CUBN: variants seen among roughly 807,000 people sequenced by gnomAD.
The protein encoded by CUBN is cubilin.
A neutral mutation model predicts 405.3 loss-of-function variants in CUBN; 282 were observed. The observed-to-expected ratio is 0.70, with a 90% CI of 0.63 to 0.77. The LOEUF (loss-of-function observed/expected upper bound fraction) is 0.77, where lower values mean the gene tolerates loss of function less well. Among genes scored for constraint, CUBN ranks in the 30% least tolerant of loss-of-function variants. The probability of loss-of-function intolerance (pLI) is 0.00; values close to 1 mark genes in which losing one functional copy is unlikely to be tolerated. For synonymous variants in CUBN, 1,684 were observed against 1,617.0 expected (o/e 1.04, Z -0.99); for missense variants, 4,514 against 4,475.2 (o/e 1.01, Z -0.25).
intron 31 of CUBN, among the ~76,000 whole-genome samples, chr10:16,977,873 C>A (rs977123599): frequency 1.3e-5 from 2 of 152,212 alleles, no homozygotes; most frequent in Non-Finnish European, 2.9e-5. Flanking sequence ...ATGAGACACA[C>A]CCCTGTTGAA....
At chr10:16,992,914 TACA>T (rs1275267596) in intron 28 of CUBN, among the ~76,000 whole-genome samples, 4 of 152,190 alleles carry the variant, frequency 2.6e-5, no homozygotes, top group Admixed American at 6.5e-5. Flanking sequence ...TTTGTCCGAC[TACA>T]ACAACACATG....
intron 28 of CUBN, among the ~76,000 whole-genome samples, chr10:17,013,766 T>A (rs138984357): frequency 1.9e-4 from 29 of 152,338 alleles, no homozygotes; most frequent in African/African-American, 6.0e-4. Flanking sequence ...GCTAACTAGT[T>A]GCTGGTCCCT....
At chr10:16,944,262 T>A (rs1245813844) in intron 36 of CUBN, among the ~76,000 whole-genome samples, 2 of 152,216 alleles carry the variant, frequency 1.3e-5, no homozygotes, top group Non-Finnish European at 2.9e-5. Context: ...GATCTCCCTT[T>A]CTTCCCTTTC....
At chr10:17,023,713 G>A (rs117926123) in intron 27 of CUBN, 3 of 426,794 alleles carry the variant, frequency 7.0e-6, no homozygotes, top group South Asian at 4.9e-5. Flanking sequence ...AACAATACTT[G>A]AAGTTCTAAT....
chr10:17,006,228 A>C (rs1834021238), intron 28 of CUBN, among the ~76,000 whole-genome samples: 1 of 152,204 alleles, frequency 6.6e-6, no homozygotes, highest in South Asian at 2.1e-4. Context: ...TGAATGAATG[A>C]AAAACTTCTT....
chr10:16,912,366 C>A (rs765843306), intron 48 of CUBN, among the ~76,000 whole-genome samples: 9 of 152,160 alleles, frequency 5.9e-5, no homozygotes, highest in East Asian at 1.9e-4. Flanking sequence ...CTATTATGTA[C>A]AGGCACTGGG....
intron 56 of CUBN, among the ~76,000 whole-genome samples, chr10:16,886,153 A>G (rs1840806760): frequency 6.6e-6 from 1 of 152,326 alleles, no homozygotes; most frequent in East Asian, 1.9e-4. Flanking sequence ...TTACAGTGAC[A>G]TACATTGATT....
In CUBN at chr10:17,126,872, A is replaced by G. The variant is rs1837203895; in HGVS notation, c.349-73T>C. On this transcript the variant is annotated intron_variant, in intron 3 of 66. Transcript: ENST00000377833. ...GCACATGTGATGTTATATCCTTGAC[A>G]TATTGTCCTAATGCCCTCTGCTAGG... The G allele has an allele frequency of 1.4e-5, 21 of 1,490,466 alleles. No homozygotes were observed. In the South Asian group the frequency reaches 2.3e-4, roughly 16 times the overall value. The allele number at this position is 1,490,466 out of a possible 1,614,324, so 92.3% of individuals were successfully genotyped here.
intron 36 of CUBN, among the ~76,000 whole-genome samples, chr10:16,946,961 G>C (rs1842803209): frequency 6.6e-6 from 1 of 152,070 alleles, no homozygotes; most frequent in South Asian, 2.1e-4. Context: ...AAAAAGATAA[G>C]ATTCCTGTAC....
intron 54 of CUBN, among the ~76,000 whole-genome samples, chr10:16,896,829 T>A (rs1841197823): frequency 1.3e-5 from 2 of 152,208 alleles, no homozygotes; most frequent in Non-Finnish European, 2.9e-5. Context: ...TAAGTCTGTG[T>A]TGATCTAGTT....
intron 56 of CUBN, among the ~76,000 whole-genome samples, chr10:16,887,781 T>C (rs1467372843): frequency 6.6e-6 from 1 of 152,214 alleles, no homozygotes; most frequent in Non-Finnish European, 1.5e-5. Context: ...ACTGTCGTGT[T>C]CATTGCAGCA....
intron 54 of CUBN, among the ~76,000 whole-genome samples, chr10:16,895,380 C>CACAT (rs1192154097): frequency 1.3e-5 from 2 of 148,928 alleles, no homozygotes; most frequent in East Asian, 3.8e-4. Flanking sequence ...CACACACACA[C>CACAT]ACATATATAT....
Position 17,041,038 on chromosome 10 carries a change from A to C in CUBN, c.4012T>G (p.Leu1338Val). ...EHHINCSTDY[L>V]ELYDGPRQMG... ...TCAAGCTTTATAATACATACCTCTA[A>C]ATAATCTGTGGAGCAGTTTATGTGA... The change falls in exon 27 of 67, where the codon TTA becomes GTA. Residue 1338 changes from leucine (L) to valine (V), a missense_variant. Leu to Val is a conservative substitution (Grantham distance 32). This residue lies in a region of CUBN where 242 missense variants were observed against 309.0 expected (regional missense o/e 0.78). Transcript: ENST00000377833. 6.2e-7 allele frequency: 1 copy of C among 1,613,088 alleles called. No homozygotes were observed. The highest frequency in any genetic ancestry group is 8.5e-7 in the Non-Finnish European group (1 of 1,179,098).
At chr10:17,030,762 T>C (rs1834769847) in intron 27 of CUBN, among the ~76,000 whole-genome samples, 1 of 151,894 alleles carries the variant, frequency 6.6e-6, no homozygotes, top group African/African-American at 2.4e-5. Context: ...CTACTAAAAA[T>C]ACAAAAATTA....
At position 16,851,438 on chromosome 10, in the gene CUBN, G is replaced by A; in HGVS notation, c.9460C>T (p.Gln3154Ter). 1 of 1,614,056 alleles carries A rather than the reference G, an allele frequency of 6.2e-7. No homozygotes were observed. Among genetic ancestry groups the A allele is most frequent in the Non-Finnish European group, 8.5e-7 (1 of 1,179,962 alleles). Residue 3154 changes from glutamine (Q) to a stop codon, truncating the protein, a stop_gained, in exon 60 of 67, where the codon CAG becomes TAG. Coordinates refer to ENST00000377833, the MANE Select transcript of CUBN (RefSeq NM_001081.4). LOFTEE classifies it high-confidence loss of function. ...GTCAGATAACCACCACATCCTTGCT[G>A]AGGCCCTGCATTAAAACAAAGACAT... ...KMSFRQTLGP[Q>*]QGCGGYLTGS...
chr10:16,904,154 GC>G (rs1348405697), intron 50 of CUBN, 39 bp from the exon 51 acceptor site: 1 of 1,593,222 alleles, frequency 6.3e-7, no homozygotes, highest in South Asian at 1.1e-5. Flanking sequence ...CATTGATACA[GC>G]TTTTGAGAAA....
chr10:17,003,320 C>T (rs1056535113), intron 28 of CUBN, among the ~76,000 whole-genome samples: 3 of 152,164 alleles, frequency 2.0e-5, no homozygotes, highest in Non-Finnish European at 4.4e-5. Context: ...CCATTACCAA[C>T]GGAGAGAAGG....
chr10:17,127,431 A>ATTTTTT (rs71268608), intron 3 of CUBN, among the ~76,000 whole-genome samples: 4 of 85,914 alleles, frequency 4.7e-5, no homozygotes, highest in South Asian at 4.5e-4. Flanking sequence ...ATGCCCAGCT[A>ATTTTTT]TTTTTTTTTT....
chr10:17,041,354 G>A (rs1026273636), intron 26 of CUBN, 134 bp from the exon 27 acceptor site: 2 of 706,812 alleles, frequency 2.8e-6, no homozygotes, highest in African/African-American at 1.8e-5. Context: ...GTGTATATAT[G>A]TGTGTGTATA....
Sources: allele counts gnomAD v4.1 joint callset (sites outside exome capture counted in the v4.1 genomes callset), GRCh38; gene constraint gnomAD v4.1.1; regional missense constraint gnomAD v4.1.1; transcripts MANE v1.5; gene names NCBI Gene and HGNC (gene_info 2026-07-23, HGNC 2026-07-21).